UBXN11: variants seen among roughly 807,000 people sequenced by gnomAD.
UBXN11 encodes the protein UBX domain protein 11.
Under a neutral mutation model 62.8 loss-of-function variants are expected in UBXN11, and 47 were observed. The ratio of observed to expected loss-of-function variants is 0.75; its 90% CI spans 0.59 to 0.95. The LOEUF (loss-of-function observed/expected upper bound fraction) is 0.95, where lower values mean the gene tolerates loss of function less well. Among genes scored for constraint, UBXN11 ranks in the 40% least tolerant of loss-of-function variants. The pLI is 0.00. For synonymous variants in UBXN11, 294 were observed against 267.0 expected, an observed-to-expected ratio of 1.10 and a Z score of -0.99; for missense variants, 638 against 661.7, an observed-to-expected ratio of 0.96 and a Z score of 0.39.
At chr1:26,317,271 T>A (rs2073805245) in intron 1 of UBXN11, among the ~76,000 whole-genome samples, 1 of 150,438 alleles carries the variant, frequency 6.6e-6, no homozygotes, top group South Asian at 2.1e-4. Flanking sequence ...AAACACTAGG[T>A]TTTAACAAAC....
intron 4 of UBXN11, among the ~76,000 whole-genome samples, chr1:26,300,274 G>A (rs140281049): frequency 3.2e-4 from 49 of 152,282 alleles, no homozygotes; most frequent in African/African-American, 9.6e-4. Context: ...CTCCCAACAC[G>A]CTGCCCTCGC....
chr1:26,308,935 A>ATTTTTTTT (rs57323315), upstream of UBXN11, among the ~76,000 whole-genome samples: 4 of 108,246 alleles, frequency 3.7e-5, no homozygotes, highest in South Asian at 3.2e-4. Context: ...CAGTCGTTTG[A>ATTTTTTTT]TTTTTTTTTT....
At chr1:26,301,658 A>G (rs1161832280) in intron 3 of UBXN11, 36 bp downstream of exon 3, 3 of 1,611,898 alleles carry the variant, frequency 1.9e-6, no homozygotes, top group African/African-American at 2.7e-5. Flanking sequence ...CAAGCACATG[A>G]GAGGCGAAGA....
chr1:26,285,504 G>T lies in UBXN11; in HGVS notation c.812C>A (p.Ser271Ter). The change falls in exon 10 of 15, where the codon TCA (serine) becomes TAA (stop). Residue 271 changes from serine (S) to a stop codon, truncating the protein, a stop_gained. Coordinates refer to ENST00000374222, the MANE Select transcript of UBXN11 (RefSeq NM_001389556.1). LOFTEE classifies it high-confidence loss of function. ...LRDILDGFFPSELQRLYPNGV... is the reference protein window; with the variant it reads ...LRDILDGFFP ...ATTGGGGTACAGTCGCTGGAGCTCT[G>T]AGGGAAAGAAGCCATCCAATATGTC... The T allele has an allele frequency of 6.2e-7, 1 of 1,601,530 alleles. No homozygotes were observed. The highest frequency in any genetic ancestry group is 8.5e-7 in the Non-Finnish European group (1 of 1,171,030).
intron 1 of UBXN11, 41 bp downstream of exon 1, chr1:26,306,551 G>T (rs2073672653): frequency 6.6e-6 from 1 of 152,236 alleles, no homozygotes; most frequent in Non-Finnish European, 1.5e-5. Flanking sequence ...TCCAGCCTGC[G>T]TGGGGACTCC....
In UBXN11 at chr1:26,282,468, G is replaced by A; in HGVS notation, c.1394C>T (p.Ala465Val). The change falls in exon 15 of 15, where the codon GCA becomes GTA. Residue 465 changes from alanine to valine, a missense_variant. By Grantham distance (64) the Ala-to-Val change is moderately conservative. Transcript: ENST00000374222. ...TLQAAGLVPK[A>V]ALLLRARRAP... The stretch of plus-strand genomic sequence containing the variant: ...TCGGCGTGCCCGCAGCAGCAGTGCT[G>A]CTTTGGGCACAAGGCCTGCAGCCTG... The A allele has an allele frequency of 6.2e-7, 1 of 1,609,144 alleles. No homozygotes were observed. The highest frequency in any genetic ancestry group is 8.5e-7 in the Non-Finnish European group (1 of 1,178,662).
chr1:26,291,496 T>G (rs2073265329), intron 8 of UBXN11, among the ~76,000 whole-genome samples: 4 of 152,116 alleles, frequency 2.6e-5, no homozygotes, highest in Admixed American at 2.6e-4. Context: ...CTTGAGGCAC[T>G]CAGAGCACAA....
chr1:26,292,474 G>A (rs911601490), intron 8 of UBXN11, among the ~76,000 whole-genome samples: 5 of 152,102 alleles, frequency 3.3e-5, no homozygotes, highest in African/African-American at 1.2e-4. Context: ...AGCCATGACT[G>A]TGCCACTGCA....
At chr1:26,289,401 C>G (rs2073205879) in intron 8 of UBXN11, among the ~76,000 whole-genome samples, 1 of 152,066 alleles carries the variant, frequency 6.6e-6, no homozygotes, top group Admixed American at 6.5e-5. Flanking sequence ...AGGCTGCATG[C>G]CTGGAGCCCT....
rs370469473 is a variant in UBXN11 at position 26,297,439 on chromosome 1, G to A, written c.343C>T (p.Arg115Trp). ...AAGAGCCCCCTACCTGGGTGTGGCC[G>A]GAGGGTCTGCACCAGGTCCTCTAGG... ...AALEDLVQTL[R>W]PHPAEATLQR... The change falls in exon 6 of 15, where the codon CGG (arginine) becomes TGG (tryptophan). Residue 115 changes from arginine (R) to tryptophan (W), a missense_variant. By Grantham distance (101) the Arg-to-Trp change is moderately radical (BLOSUM62 -3). Transcript: ENST00000374222. 68 of 1,552,586 alleles carry A rather than the reference G, an allele frequency of 4.4e-5. No individual in the cohort carries two copies. The highest frequency in any genetic ancestry group is 4.9e-5 in the East Asian group (2 of 41,088).
rs1419787849 is a variant in UBXN11 at position 26,285,922 on chromosome 1, T to TGCCCC, written c.670_674dup (p.Arg226GlyfsTer12). On this transcript the variant is annotated frameshift_variant, in exon 9 of 15. Coordinates refer to ENST00000374222, the MANE Select transcript of UBXN11 (RefSeq NM_001389556.1). LOFTEE classifies it high-confidence loss of function. ...GGATGGGCTCGAGGGTACGCAGCCG[T>TGCCCC]GCCCCGCCGGGCACTGGTGTCACTT... The TGCCCC allele has an allele frequency of 6.2e-7, 1 of 1,613,706 alleles. No individual in the cohort carries two copies. The highest frequency in any genetic ancestry group is 1.7e-5 in the Admixed American group (1 of 60,012).
chr1:26,311,397 C>T (rs992459327), upstream of UBXN11, among the ~76,000 whole-genome samples: 13 of 151,776 alleles, frequency 8.6e-5, 1 homozygote, highest in African/African-American at 3.1e-4. Flanking sequence ...GCCTCAGCCT[C>T]CCAAAGTGCT....
At position 26,286,040 on chromosome 1, in the gene UBXN11, G is replaced by T; in HGVS notation, c.560-3C>A. 1 of 1,598,146 alleles carries T rather than the reference G, an allele frequency of 6.3e-7. No individual in the cohort carries two copies. The highest frequency in any genetic ancestry group is 1.1e-5 in the South Asian group (1 of 89,966). On this transcript the variant is annotated splice_region_variant and splice_polypyrimidine_tract_variant and intron_variant, in intron 8 of 14. Coordinates refer to ENST00000374222, the MANE Select transcript of UBXN11 (RefSeq NM_001389556.1). Reference sequence around the variant, plus strand: ...CTCAGGGGGCGCCAATGAGTCCCCTGGCAAAGAGGACAGACACCTGTGAGC... The same window carrying T: ...CTCAGGGGGCGCCAATGAGTCCCCTTGCAAAGAGGACAGACACCTGTGAGC...
chr1:26,314,144 T>C (rs1372857409), intron 1 of UBXN11, among the ~76,000 whole-genome samples: 1 of 152,140 alleles, frequency 6.6e-6, no homozygotes, highest in Non-Finnish European at 1.5e-5. Flanking sequence ...AAGAGGAAAA[T>C]GTCTTTAAGT....
chr1:26,285,558 A>G lies in UBXN11; in HGVS notation c.775-17T>C, dbSNP rs1219576757. 2.6e-6 allele frequency: 4 copies of G among 1,553,820 alleles called. No individual in the cohort carries two copies. In the South Asian group the frequency reaches 4.8e-5, roughly 19 times the overall value. On this transcript the variant is annotated splice_polypyrimidine_tract_variant and intron_variant, in intron 9 of 14. Coordinates refer to ENST00000374222, the MANE Select transcript of UBXN11 (RefSeq NM_001389556.1). ...GAGGCAGCGCTGCAAGGGAAGAGGAAAAGTGAGGGGGTGGCCTGGGCCTTG... is the reference window on the plus strand; with the variant it reads ...GAGGCAGCGCTGCAAGGGAAGAGGAGAAGTGAGGGGGTGGCCTGGGCCTTG...
chr1:26,317,949 G>C, intron 1 of UBXN11: 1 of 1,411,470 alleles, frequency 7.1e-7, no homozygotes, highest in South Asian at 1.2e-5. Context: ...TAAACCAAAA[G>C]AAGCCTCCAG....
intron 7 of UBXN11, 110 bp from the exon 8 acceptor site, chr1:26,294,441 G>A (rs2073347619): frequency 3.4e-6 from 5 of 1,471,342 alleles, no homozygotes; most frequent in Non-Finnish European, 3.6e-6. Context: ...GGGGCCCCCA[G>A]AGCTGACCAG....
chr1:26,286,119 A>G, intron 8 of UBXN11, 82 bp from the exon 9 acceptor site: 1 of 1,333,394 alleles, frequency 7.5e-7, no homozygotes, highest in East Asian at 2.5e-5. Flanking sequence ...CTCCCTCCCA[A>G]GCTGGGCAGT....
intron 11 of UBXN11, 26 bp from the exon 12 acceptor site, chr1:26,284,271 C>G: frequency 6.2e-7 from 1 of 1,606,586 alleles, no homozygotes; most frequent in Non-Finnish European, 8.5e-7. Flanking sequence ...GGAACCGGGG[C>G]CCAGGAAGGA....
Sources: allele counts gnomAD v4.1 joint callset (sites outside exome capture counted in the v4.1 genomes callset), GRCh38; gene constraint gnomAD v4.1.1; transcripts MANE v1.5; gene names NCBI Gene and HGNC (gene_info 2026-07-23, HGNC 2026-07-21).